PPIP5K2: variants seen among roughly 807,000 people sequenced by gnomAD.
The protein encoded by PPIP5K2 is diphosphoinositol pentakisphosphate kinase 2.
PPIP5K2 carries 105 observed loss-of-function variants against 154.6 expected under a neutral mutation model. The ratio of observed to expected loss-of-function variants is 0.68; its 90% CI spans 0.58 to 0.80. PPIP5K2 has a LOEUF of 0.80. Among genes scored for constraint, PPIP5K2 ranks in the 30% least tolerant of loss-of-function variants. The pLI, the probability that PPIP5K2 is intolerant of heterozygous loss-of-function variation, is 0.00. For synonymous variants in PPIP5K2, 480 were observed against 490.3 expected, an observed-to-expected ratio of 0.98 and a Z score of 0.28; for missense variants, 992 against 1,504.6, an observed-to-expected ratio of 0.66 and a Z score of 5.64.
rs1803218363 is a variant in PPIP5K2 at position 103,202,897 on chromosome 5, T to C, written c.*1263T>C. 1 of 152,556 alleles carries C rather than the reference T, an allele frequency of 6.6e-6. No individual in the cohort carries two copies. Among genetic ancestry groups the C allele is most frequent in the Non-Finnish European group, 1.5e-5 (1 of 67,996 alleles). 9.5% of individuals were successfully genotyped at this position (152,556 alleles called of 1,614,324 possible). On this transcript the variant is annotated 3_prime_UTR_variant, in exon 31 of 31. Transcript: ENST00000358359. ...TGATTTCCCATGGTATGAATATAAC[T>C]ATTGTAATTCTTCAAATGAGACTCT...
At chr5:103,191,146 AC>A in intron 29 of PPIP5K2, 164 bp downstream of exon 29, 1 of 509,780 alleles carries the variant, frequency 2.0e-6, no homozygotes, top group Non-Finnish European at 3.1e-6. Flanking sequence ...TGTAATGTGA[AC>A]TGTACCTCTT....
Position 103,120,395 on chromosome 5 carries a change from C to G in PPIP5K2, c.-378C>G, listed in dbSNP as rs1788444849. On this transcript the variant is annotated 5_prime_UTR_variant, in exon 1 of 31. Transcript: ENST00000358359. ...ACAACTGAAGTCTCTTGACAAACACCTCACCCCTGCCTCCGGGATGAAAGG... is the reference window on the plus strand; with the variant it reads ...ACAACTGAAGTCTCTTGACAAACACGTCACCCCTGCCTCCGGGATGAAAGG... 1 of 456,532 alleles carries G rather than the reference C, an allele frequency of 2.2e-6. No individual in the cohort carries two copies. The highest frequency in any genetic ancestry group is 1.5e-5 in the South Asian group (1 of 64,572). 28.3% of individuals were successfully genotyped at this position (456,532 alleles called of 1,614,324 possible). A position where few individuals can be genotyped will look rare whatever the true frequency, so the allele number is the denominator to read the frequency against.
intron 1 of PPIP5K2, among the ~76,000 whole-genome samples, chr5:103,124,849 G>A (rs1789387707): frequency 6.6e-6 from 1 of 152,174 alleles, no homozygotes; most frequent in Non-Finnish European, 1.5e-5. Flanking sequence ...GGGAGGCTCT[G>A]AATTTACAAG....
At chr5:103,150,971 T>C (rs1554211099) in intron 8 of PPIP5K2, among the ~76,000 whole-genome samples, 1 of 151,560 alleles carries the variant, frequency 6.6e-6, no homozygotes, top group East Asian at 1.9e-4. Context: ...AACTTTGTGA[T>C]CAAATATATT....
At position 103,153,910 on chromosome 5, in the gene PPIP5K2, T is replaced by C. The variant is rs1554212158; in HGVS notation, c.1193T>C (p.Met398Thr). The stretch of plus-strand genomic sequence containing the variant: ...GGGGATCGAACACCAAAACAAAAAA[T>C]GAAAATGGAAGTGAGACATCAGAAG... ...RHGDRTPKQK[M>T]KMEVRHQKFF... Residue 398 changes from methionine (M) to threonine (T), a missense_variant, in exon 11 of 31, where the codon ATG becomes ACG. Around this residue, in one of 9 missense-constraint regions of PPIP5K2, gnomAD observed 163 missense variants for 285.2 expected, o/e 0.57. Coordinates refer to ENST00000358359, the MANE Select transcript of PPIP5K2 (RefSeq NM_001276277.3). The C allele has an allele frequency of 6.2e-7, 1 of 1,606,872 alleles. No homozygotes were observed.
intron 19 of PPIP5K2, among the ~76,000 whole-genome samples, chr5:103,171,517 AC>A (rs1466307001): frequency 1.3e-5 from 2 of 151,694 alleles, no homozygotes; most frequent in Admixed American, 1.3e-4. Context: ...AAATATTGAA[AC>A]TACATATGAG....
chr5:103,159,331 G>C lies in PPIP5K2; in HGVS notation c.1920+3G>C. The C allele has an allele frequency of 1.3e-6, 2 of 1,598,462 alleles. No homozygotes were observed. Among genetic ancestry groups the C allele is most frequent in the South Asian group, 1.1e-5 (1 of 88,674 alleles). On this transcript the variant is annotated splice_donor_region_variant and intron_variant, in intron 17 of 30. Coordinates refer to ENST00000358359, the MANE Select transcript of PPIP5K2 (RefSeq NM_001276277.3). ...TTACTGCTGAAGATTATGAAAAGGTGGGTCTTAGCAAACTCTTATATTGTG... is the reference window on the plus strand; with the variant it reads ...TTACTGCTGAAGATTATGAAAAGGTCGGTCTTAGCAAACTCTTATATTGTG...
At chr5:103,195,465 A>T (rs1554228226) in intron 30 of PPIP5K2, among the ~76,000 whole-genome samples, 1 of 152,168 alleles carries the variant, frequency 6.6e-6, no homozygotes, top group Admixed American at 6.6e-5. Context: ...AGTATTAAAA[A>T]AAGAAAAAAA....
intron 9 of PPIP5K2, among the ~76,000 whole-genome samples, 174 bp from the exon 10 acceptor site, chr5:103,152,474 A>G (rs1554211616): frequency 6.6e-6 from 1 of 151,908 alleles, no homozygotes; most frequent in African/African-American, 2.4e-5. Flanking sequence ...TAATACATCA[A>G]TTTGGAACTG....
intron 18 of PPIP5K2, among the ~76,000 whole-genome samples, chr5:103,167,590 T>C (rs1797330480): frequency 6.6e-6 from 1 of 151,952 alleles, no homozygotes; most frequent in Admixed American, 6.6e-5. Context: ...GACAGGGTAA[T>C]AAGAAGGAGC....
chr5:103,156,301 A>G (rs553417887), intron 14 of PPIP5K2, among the ~76,000 whole-genome samples: 2 of 152,192 alleles, frequency 1.3e-5, no homozygotes, highest in Admixed American at 6.5e-5. Flanking sequence ...GGCTCCTTAC[A>G]TCACCTTTTG....
In PPIP5K2 at chr5:103,146,503, CT is replaced by C. The variant is rs1304589100; in HGVS notation, c.488-22del. 7 of 1,599,532 alleles carry C rather than the reference CT, an allele frequency of 4.4e-6. No homozygotes were observed. The African/African-American group carries it at 9.4e-5, about 22-fold the overall frequency. On this transcript the variant is annotated intron_variant, in intron 5 of 30. Coordinates refer to ENST00000358359, the MANE Select transcript of PPIP5K2 (RefSeq NM_001276277.3). ...AATATAATAAGAATATGTGATATTT[CT>C]TGCAATCGTGTTTGTTTTATAGAAT...
chr5:103,136,819 A>T lies in PPIP5K2; in HGVS notation c.398A>T (p.Asp133Val). Residue 133 changes from aspartate to valine, a missense_variant, in exon 4 of 31, where the codon GAT (aspartate) becomes GTT (valine). Physicochemically the swap from Asp to Val is radical, Grantham distance 152. Around this residue, in one of 9 missense-constraint regions of PPIP5K2, gnomAD observed 153 missense variants for 200.4 expected, o/e 0.76. Coordinates refer to ENST00000358359, the MANE Select transcript of PPIP5K2 (RefSeq NM_001276277.3). ...TTGAATATGCAGTATCTCATACAAG[A>T]TAGGTGAGTGGTGAAGTTGGCTGAA... ...NDLNMQYLIQ[D>V]RREVYSILQA... The T allele has an allele frequency of 6.2e-7, 1 of 1,611,472 alleles. No individual in the cohort carries two copies. Among genetic ancestry groups the T allele is most frequent in the Middle Eastern group, 1.7e-4 (1 of 6,052 alleles).
intron 30 of PPIP5K2, among the ~76,000 whole-genome samples, chr5:103,195,562 A>G (rs1245987497): frequency 9.2e-5 from 14 of 152,150 alleles, no homozygotes; most frequent in African/African-American, 2.7e-4. Flanking sequence ...GCATTTTTCT[A>G]CTTTAATTAT....
At chr5:103,124,595 A>G (rs1562354040) in intron 1 of PPIP5K2, among the ~76,000 whole-genome samples, 1 of 152,214 alleles carries the variant, frequency 6.6e-6, no homozygotes, top group Non-Finnish European at 1.5e-5. Context: ...TTATAAAATG[A>G]AGAATATATT....
intron 13 of PPIP5K2, among the ~76,000 whole-genome samples, chr5:103,155,181 A>G (rs1554212759): frequency 6.6e-6 from 1 of 152,036 alleles, no homozygotes; most frequent in Non-Finnish European, 1.5e-5. Flanking sequence ...GTCTTCTGTG[A>G]AATACTGCTT....
At chr5:103,131,791 A>G (rs1473931536) in intron 2 of PPIP5K2, among the ~76,000 whole-genome samples, 2 of 152,176 alleles carry the variant, frequency 1.3e-5, no homozygotes, top group Non-Finnish European at 1.5e-5. Context: ...AGATCTGTTT[A>G]AAAAATTATC....
At chr5:103,162,200 C>T (rs1554216105) in intron 17 of PPIP5K2, among the ~76,000 whole-genome samples, 3 of 152,044 alleles carry the variant, frequency 2.0e-5, no homozygotes, top group African/African-American at 7.2e-5. Flanking sequence ...GAGGACAAGT[C>T]TCTTGTCCTT....
In PPIP5K2 at chr5:103,210,397, C is replaced by G. The variant is rs889400023; in HGVS notation, c.*8763C>G. ...TGCTTCTGAAAATATTTATATTTAA[C>G]CATGAGGTTATGATGATTTTTTCTC... is the stretch of plus-strand genomic sequence containing the variant. On this transcript the variant is annotated 3_prime_UTR_variant, in exon 31 of 31. Transcript: ENST00000358359. 1 of 152,016 alleles carries G rather than the reference C, an allele frequency of 6.6e-6. No individual in the cohort carries two copies. The highest frequency in any genetic ancestry group is 2.4e-5 in the African/African-American group (1 of 41,384). 9.4% of individuals were successfully genotyped at this position (152,016 alleles called of 1,614,324 possible).
Sources: allele counts gnomAD v4.1 joint callset (sites outside exome capture counted in the v4.1 genomes callset), GRCh38; gene constraint gnomAD v4.1.1; regional missense constraint gnomAD v4.1.1; transcripts MANE v1.5; gene names NCBI Gene and HGNC (gene_info 2026-07-23, HGNC 2026-07-21).